The following ATP13A3 variants were observed in gnomAD, a reference collection of about 807,000 sequenced individuals.
The protein encoded by ATP13A3 is ATPase 13A3.
ATP13A3 carries 59 observed loss-of-function variants against 158.1 expected under a neutral mutation model. The observed-to-expected ratio is 0.37, with a 90% CI of 0.30 to 0.46. The LOEUF (loss-of-function observed/expected upper bound fraction) is 0.46, where lower values mean the gene tolerates loss of function less well. ATP13A3 is among the 20% of genes least tolerant of loss of function. The probability of loss-of-function intolerance (pLI) is 1.00; values close to 1 mark genes in which losing one functional copy is unlikely to be tolerated. For synonymous variants in ATP13A3, 491 were observed against 504.3 expected (o/e 0.97, Z 0.35); for missense variants, 1,166 against 1,525.2 (o/e 0.76, Z 3.92).
intron 33 of ATP13A3, 131 bp downstream of exon 33, chr3:194,412,068 A>G: frequency 4.6e-6 from 3 of 657,250 alleles, no homozygotes; most frequent in Non-Finnish European, 7.5e-6. Context: ...AGGCTGAAGG[A>G]ACACGTAATA....
At chr3:194,457,660 T>A (rs1333228189) in intron 6 of ATP13A3, among the ~76,000 whole-genome samples, 1 of 152,184 alleles carries the variant, frequency 6.6e-6, no homozygotes, top group East Asian at 1.9e-4. Context: ...GCCAAACCCT[T>A]CCCTAAATGC....
intron 30 of ATP13A3, among the ~76,000 whole-genome samples, chr3:194,420,789 T>G (rs545576768): frequency 4.7e-4 from 72 of 152,112 alleles, no homozygotes; most frequent in African/African-American, 1.4e-3. Context: ...GGCTCCAAAA[T>G]TTTCTAATAT....
chr3:194,423,231 T>G (rs1264811894), intron 30 of ATP13A3, among the ~76,000 whole-genome samples: 1 of 145,012 alleles, frequency 6.9e-6, no homozygotes, highest in Admixed American at 6.6e-5. Context: ...CAGACTGAAG[T>G]TAAGTTTAAT....
At chr3:194,485,422 G>A (rs1720928161) in intron 2 of ATP13A3, among the ~76,000 whole-genome samples, 1 of 152,202 alleles carries the variant, frequency 6.6e-6, no homozygotes, top group Admixed American at 6.5e-5. Context: ...ATTAATACAT[G>A]TACCTTGGTA....
At chr3:194,476,633 T>C (rs1720534370) in intron 2 of ATP13A3, among the ~76,000 whole-genome samples, 1 of 152,156 alleles carries the variant, frequency 6.6e-6, no homozygotes, top group Non-Finnish European at 1.5e-5. Flanking sequence ...TCCTGAGCCC[T>C]CGTCTCCCTC....
intron 32 of ATP13A3, among the ~76,000 whole-genome samples, chr3:194,413,301 T>TG (rs1715573983): frequency 6.6e-6 from 1 of 152,222 alleles, no homozygotes; most frequent in East Asian, 1.9e-4. Context: ...CCATAACGAT[T>TG]ATTATTTTAT....
Position 194,482,715 on chromosome 3 carries a change from G to T in ATP13A3, c.-47+3079C>A, listed in dbSNP as rs530288694. Among the ~76,000 whole-genome samples, 3 of 152,304 alleles carry T rather than the reference G, an allele frequency of 2.0e-5. No homozygotes were observed. The East Asian group carries it at 5.8e-4, about 29-fold the overall frequency. On this transcript the variant is annotated intron_variant, in intron 2 of 33. Coordinates refer to ENST00000645319, the MANE Select transcript of ATP13A3 (RefSeq NM_001367549.1). ...TGGCTGGGCAAGGTGGCTCATGTCT[G>T]TAATTCCTACACTTTGGGAGGCTGA...
intron 32 of ATP13A3, chr3:194,412,895 G>C (rs1715544395): frequency 6.6e-6 from 1 of 152,048 alleles, no homozygotes; most frequent in Non-Finnish European, 1.5e-5. Flanking sequence ...TCTTTTAGGG[G>C]GTAATTGAAA....
chr3:194,475,841 A>G (rs1391273550), intron 2 of ATP13A3, among the ~76,000 whole-genome samples: 2 of 152,070 alleles, frequency 1.3e-5, no homozygotes, highest in East Asian at 3.9e-4. Flanking sequence ...GGCATTATCT[A>G]CTCTTACTTA....
At chr3:194,431,362 T>C in intron 22 of ATP13A3, 136 bp from the exon 23 acceptor site, 3 of 1,118,400 alleles carry the variant, frequency 2.7e-6, no homozygotes, top group Admixed American at 2.9e-5. Flanking sequence ...CGGACATTTA[T>C]TCAAAGTAAA....
chr3:194,413,822 AT>A lies in ATP13A3; in HGVS notation c.3419del (p.Tyr1140PhefsTer5). The stretch of plus-strand genomic sequence containing the variant: ...TGATGAGCATAGTTACACGCCACTG[AT>A]ATGGTACACACACTATCTGTAATGC... Reference protein sequence around the residue: ...DQVLQIVCVPYQWRVTMLIIV... With the variant: ...DQVLQIVCVPXQWRVTMLIIV... On this transcript the variant is annotated frameshift_variant, in exon 32 of 34. Transcript: ENST00000645319. LOFTEE classifies it high-confidence loss of function. The A allele has an allele frequency of 6.2e-7, 1 of 1,613,868 alleles. No homozygotes were observed. The highest frequency in any genetic ancestry group is 8.5e-7 in the Non-Finnish European group (1 of 1,179,766).
At position 194,431,789 on chromosome 3, in the gene ATP13A3, T is replaced by A. The variant is rs1316228523; in HGVS notation, c.2349A>T (p.Lys783Asn). The part of the protein sequence containing the change: ...IAEALPPKDG[K>N]VAKINWHYAD... ...CATAATGCCAATTTATTTTGGCAAC[T>A]TTCCCATCCTTTGGAGGTAATGCTT... is the stretch of plus-strand genomic sequence containing the variant. Residue 783 changes from lysine (K) to asparagine (N), a missense_variant, in exon 22 of 34, where the codon AAA (lysine) becomes AAT (asparagine). Physicochemically the swap from Lys to Asn is moderately conservative, Grantham distance 94 (BLOSUM62 0). Coordinates refer to ENST00000645319, the MANE Select transcript of ATP13A3 (RefSeq NM_001367549.1). 2 of 1,613,038 alleles carry A rather than the reference T, an allele frequency of 1.2e-6. No homozygotes were observed. Among genetic ancestry groups the A allele is most frequent in the Admixed American group, 1.7e-5 (1 of 59,794 alleles).
chr3:194,449,833 C>T (rs987831861), intron 11 of ATP13A3, among the ~76,000 whole-genome samples: 1 of 152,074 alleles, frequency 6.6e-6, no homozygotes, highest in African/African-American at 2.4e-5. Flanking sequence ...AAATGGGGAA[C>T]CAAATACTGT....
chr3:194,407,781 TAAA>T (rs966697365), intron 33 of ATP13A3, among the ~76,000 whole-genome samples: 1 of 150,916 alleles, frequency 6.6e-6, no homozygotes, highest in South Asian at 2.1e-4. Flanking sequence ...AGCATCACCT[TAAA>T]AAAAAAGTCC....
At chr3:194,469,549 T>C (rs1720201532) in intron 2 of ATP13A3, among the ~76,000 whole-genome samples, 3 of 152,218 alleles carry the variant, frequency 2.0e-5, no homozygotes, top group Admixed American at 2.0e-4. Flanking sequence ...TTATAACATA[T>C]ATAATTCTGG....
rs529231063 is a variant in ATP13A3 at position 194,447,086 on chromosome 3, A to C, written c.1338T>G (p.Ser446=). The change falls in exon 14 of 34, where the codon TCT becomes TCG. Residue 446 remains serine (S), a synonymous_variant. Transcript: ENST00000645319. ...EVQVGVIIIE[S]LDIITITVPP... is the part of the protein sequence containing the mutation. ...GCACAGTAATTGTGATAATATCAAG[A>C]GACTCGATAATTATGACCCCAACTT... 3 of 1,609,990 alleles carry C rather than the reference A, an allele frequency of 1.9e-6. No homozygotes were observed. In the African/African-American group the frequency reaches 4.0e-5, roughly 21 times the overall value.
At chr3:194,483,296 A>G (rs1720829622) in intron 2 of ATP13A3, among the ~76,000 whole-genome samples, 1 of 150,500 alleles carries the variant, frequency 6.6e-6, no homozygotes, top group Non-Finnish European at 1.5e-5. Context: ...GGGGGAAAAA[A>G]AAAGAAAAAA....
chr3:194,451,140 G>A (rs1289907200), intron 10 of ATP13A3: 3 of 152,040 alleles, frequency 2.0e-5, no homozygotes, highest in Admixed American at 6.5e-5. Flanking sequence ...ATGTTAGCCT[G>A]TAAGACAAAC....
intron 32 of ATP13A3, among the ~76,000 whole-genome samples, chr3:194,413,383 C>G (rs1252434658): frequency 1.3e-5 from 2 of 152,214 alleles, no homozygotes; most frequent in African/African-American, 4.8e-5. Flanking sequence ...CTTCCCCCCT[C>G]CCTTAAATGG....
Sources: gnomAD v4.1 joint callset for allele counts (sites outside exome capture counted in the v4.1 genomes callset) on GRCh38, gnomAD v4.1.1 for gene constraint, MANE v1.5 for transcripts, NCBI Gene and HGNC (gene_info 2026-07-23, HGNC 2026-07-21) for gene names.